The following NCOA6 variants were observed in gnomAD, a reference collection of about 807,000 sequenced individuals.
The protein encoded by NCOA6 is NRC RAP250.
A neutral mutation model predicts 171.4 loss-of-function variants in NCOA6; 49 were observed. The observed-to-expected ratio is 0.29, with a 90% CI of 0.23 to 0.36. The LOEUF is 0.36. Ranked by LOEUF, NCOA6 falls within the 10% of genes least tolerant of loss-of-function variation. The probability of loss-of-function intolerance (pLI) is 1.00; values close to 1 mark genes in which losing one functional copy is unlikely to be tolerated. For synonymous variants in NCOA6, 910 were observed against 927.5 expected (o/e 0.98, Z 0.34); for missense variants, 2,248 against 2,554.5 (o/e 0.88, Z 2.59).
chr20:34,745,609 T>C (rs1247981720), intron 10 of NCOA6, among the ~76,000 whole-genome samples: 1 of 152,218 alleles, frequency 6.6e-6, no homozygotes, highest in Admixed American at 6.5e-5. Flanking sequence ...AGGGGTAGAT[T>C]AAAGGTTACT....
At chr20:34,719,459 C>T (rs1360460117) in intron 14 of NCOA6, among the ~76,000 whole-genome samples, 2 of 151,946 alleles carry the variant, frequency 1.3e-5, no homozygotes, top group African/African-American at 2.4e-5. Context: ...GGCGAAACCC[C>T]ATCTCTTCTA....
At chr20:34,817,558 CTA>C (rs2078883243) in intron 1 of NCOA6, among the ~76,000 whole-genome samples, 1 of 152,132 alleles carries the variant, frequency 6.6e-6, no homozygotes, top group African/African-American at 2.4e-5. Context: ...AAATGTAACT[CTA>C]GTTATTTACT....
At position 34,741,415 on chromosome 20, in the gene NCOA6, G is replaced by C; in HGVS notation, c.4841C>G (p.Ala1614Gly). Residue 1614 changes from alanine (A) to glycine (G), a missense_variant, in exon 11 of 15, where the codon GCA (alanine) becomes GGA (glycine). Ala to Gly is a moderately conservative substitution (Grantham distance 60). This residue lies in a region of NCOA6 where 884 missense variants were observed against 941.9 expected (regional missense o/e 0.94). Transcript: ENST00000359003. ...NPITTSANTS[A>G]ALPTHLQSAL... ...AGACTGCAAGTGAGTTGGCAAAGCT[G>C]CTGATGTGTTAGCTGAAGTTGTGAT... The C allele has an allele frequency of 6.2e-7, 1 of 1,614,202 alleles. No homozygotes were observed. Among genetic ancestry groups the C allele is most frequent in the Non-Finnish European group, 8.5e-7 (1 of 1,180,038 alleles).
chr20:34,773,035 A>AATT (rs1462716988), intron 4 of NCOA6, among the ~76,000 whole-genome samples: 14 of 152,176 alleles, frequency 9.2e-5, no homozygotes, highest in Non-Finnish European at 1.8e-4. Context: ...CAAACTTGCC[A>AATT]ATTAGGGGTC....
Position 34,742,908 on chromosome 20 carries a change from C to G in NCOA6, c.3348G>C (p.Glu1116Asp), listed in dbSNP as rs1350168705. 9.9e-6 allele frequency: 16 copies of G among 1,614,222 alleles called. No individual in the cohort carries two copies. The highest frequency in any genetic ancestry group is 1.7e-5 in the Admixed American group (1 of 60,022). Reference sequence around the variant, plus strand: ...GCGAGCTGGAAGGATTCTGCGGGCTCTCCTGATAGACCATTTTCCTTGAAT... The same window carrying G: ...GCGAGCTGGAAGGATTCTGCGGGCTGTCCTGATAGACCATTTTCCTTGAAT... ...GSNSRKMVYQ[E>D]SPQNPSSSPL... Residue 1116 changes from glutamate to aspartate, a missense_variant, in exon 11 of 15, where the codon GAG becomes GAC. By Grantham distance (45) the Glu-to-Asp change is conservative. Transcript: ENST00000359003.
chr20:34,723,707 C>A (rs1242296184), intron 14 of NCOA6, among the ~76,000 whole-genome samples: 1 of 152,214 alleles, frequency 6.6e-6, no homozygotes, highest in Non-Finnish European at 1.5e-5. Context: ...CCATCCCCAA[C>A]ACCCCTTAAA....
At chr20:34,760,429 A>G (rs1245358349) in intron 5 of NCOA6, among the ~76,000 whole-genome samples, 1 of 152,234 alleles carries the variant, frequency 6.6e-6, no homozygotes, top group East Asian at 1.9e-4. Context: ...AAAAATTCTA[A>G]AAAGAAAATG....
At chr20:34,804,153 A>G (rs1365613941) in intron 1 of NCOA6, among the ~76,000 whole-genome samples, 1 of 152,052 alleles carries the variant, frequency 6.6e-6, no homozygotes, top group East Asian at 1.9e-4. Flanking sequence ...TCTGACCAAT[A>G]TGGTGAAACG....
rs2076195246 is a variant in NCOA6 at position 34,743,007 on chromosome 20, T to C, written c.3249A>G (p.Gln1083=). Residue 1083 remains glutamine, a synonymous_variant, in exon 11 of 15, where the codon CAA becomes CAG. Coordinates refer to ENST00000359003, the MANE Select transcript of NCOA6 (RefSeq NM_014071.5). ...GTGATGGTGGCACGGAGGCAGGTCCTTGCAGACTGACCATGACAGGCACAC... is the reference window on the plus strand; with the variant it reads ...GTGATGGTGGCACGGAGGCAGGTCCCTGCAGACTGACCATGACAGGCACAC... ...SGSVPVMVSL[Q]GPASVPPSPD... is the part of the protein sequence containing the mutation. 1.9e-6 allele frequency: 3 copies of C among 1,613,746 alleles called. No homozygotes were observed. Among genetic ancestry groups the C allele is most frequent in the Non-Finnish European group, 2.5e-6 (3 of 1,179,710 alleles).
intron 5 of NCOA6, among the ~76,000 whole-genome samples, chr20:34,764,949 A>C (rs2076931599): frequency 6.6e-6 from 1 of 151,810 alleles, no homozygotes; most frequent in African/African-American, 2.4e-5. Flanking sequence ...CCCCATCTCT[A>C]CTAAAAATAC....
chr20:34,744,375 G>A (rs1455135185), intron 10 of NCOA6, among the ~76,000 whole-genome samples: 3 of 152,192 alleles, frequency 2.0e-5, no homozygotes, highest in East Asian at 1.9e-4. Flanking sequence ...CAAGAATAAC[G>A]GTGGTTCTGT....
At chr20:34,769,686 C>G (rs1600940095) in intron 4 of NCOA6, among the ~76,000 whole-genome samples, 1 of 151,942 alleles carries the variant, frequency 6.6e-6, no homozygotes, top group African/African-American at 2.4e-5. Flanking sequence ...TTAATTTTAC[C>G]TTATTTGAGC....
chr20:34,809,373 T>TTTTTTTA, intron 1 of NCOA6: 1 of 397,978 alleles, frequency 2.5e-6, no homozygotes, highest in Non-Finnish European at 4.4e-6. Context: ...AAAAGTAAAG[T>TTTTTTTA]CTATTTATAA....
chr20:34,795,589 C>G (rs2078037914), intron 1 of NCOA6, among the ~76,000 whole-genome samples: 1 of 152,064 alleles, frequency 6.6e-6, no homozygotes, highest in Non-Finnish European at 1.5e-5. Flanking sequence ...CTTCAAAAAG[C>G]CAAAATCTTG....
At position 34,750,044 on chromosome 20, in the gene NCOA6, C is replaced by A; in HGVS notation, c.2151G>T (p.Met717Ile). 6.2e-7 allele frequency: 1 copy of A among 1,614,224 alleles called. No homozygotes were observed. Among genetic ancestry groups the A allele is most frequent in the South Asian group, 1.1e-5 (1 of 91,068 alleles). Residue 717 changes from methionine (M) to isoleucine (I), a missense_variant, in exon 9 of 15, where the codon ATG (methionine) becomes ATT (isoleucine). By Grantham distance (10) the Met-to-Ile change is conservative (BLOSUM62 1). Around this residue, in one of 7 missense-constraint regions of NCOA6, gnomAD observed 987 missense variants for 1,104.7 expected, o/e 0.89. Transcript: ENST00000359003. ...LQQNPMIEQI[M>I]TNQMQGNKQQ... ...GCTTATTCCCCTGCATTTGATTGGT[C>A]ATAATCTGCTCTATCATTGGGTTCT...
chr20:34,740,004 A>G (rs2076080980), intron 11 of NCOA6, among the ~76,000 whole-genome samples: 1 of 152,112 alleles, frequency 6.6e-6, no homozygotes, highest in South Asian at 2.1e-4. Context: ...CTGGGATTAC[A>G]GGTGTGTGCC....
rs1420489691 is a variant in NCOA6, at chr20:34,757,493, G to C, written c.1255C>G (p.Gln419Glu). 3.7e-6 allele frequency: 6 copies of C among 1,613,954 alleles called. No individual in the cohort carries two copies. In the Admixed American group the frequency reaches 8.3e-5, roughly 22 times the overall value. The change falls in exon 7 of 15, where the codon CAG becomes GAG. Residue 419 changes from glutamine (Q) to glutamate (E), a missense_variant. Physicochemically the swap from Gln to Glu is conservative, Grantham distance 29. Coordinates refer to ENST00000359003, the MANE Select transcript of NCOA6 (RefSeq NM_014071.5). ...GGPSRVPTPL[Q>E]QPHLTNKSPA... ...GACTTGTTGGTGAGGTGGGGCTGCT[G>C]CAAGGGAGTTGGGACCCTAGAGGGC...
intron 1 of NCOA6, among the ~76,000 whole-genome samples, chr20:34,794,693 AGACCAATAAAAAT>A (rs1274462441): frequency 6.6e-6 from 1 of 152,142 alleles, no homozygotes; most frequent in African/African-American, 2.4e-5. Flanking sequence ...AAGAAATATA[AGACCAATAAAAAT>A]GGTTATCTTA....
chr20:34,776,232 A>G (rs1037158381), intron 4 of NCOA6, 61 bp downstream of exon 4: 2 of 1,548,158 alleles, frequency 1.3e-6, no homozygotes, highest in East Asian at 2.3e-5. Flanking sequence ...ACAGAAAATC[A>G]TGCTATATTC....
Sources: gnomAD v4.1 joint callset for allele counts (sites outside exome capture counted in the v4.1 genomes callset) on GRCh38, gnomAD v4.1.1 for gene constraint, gnomAD v4.1.1 regional missense constraint, MANE v1.5 for transcripts, NCBI Gene and HGNC (gene_info 2026-07-23, HGNC 2026-07-21) for gene names.